HPRT1: variants seen among roughly 807,000 people sequenced by gnomAD.
HPRT1 encodes hypoxanthine-guanine phosphoribosyltransferase.
A neutral mutation model predicts 19.0 loss-of-function variants in HPRT1; 4 were observed. The observed-to-expected ratio is 0.21, with a 90% CI of 0.10 to 0.48. The LOEUF is 0.48. HPRT1 is among the 20% of genes least tolerant of loss of function. HPRT1 has a pLI of 0.98. For missense variants in HPRT1, 65 were observed against 164.0 expected, an observed-to-expected ratio of 0.40 and a Z score of 3.30; for synonymous variants, 53 against 54.9, an observed-to-expected ratio of 0.97 and a Z score of 0.15.
chrX:134,499,505 G>T (rs890277330), intron 8 of HPRT1, among the ~76,000 whole-genome samples: 1 of 102,766 alleles, frequency 9.7e-6, no homozygotes, highest in Non-Finnish European at 2.0e-5. Flanking sequence ...AAAAAACTAC[G>T]TATTAAGACA....
chrX:134,477,071 T>A (rs781476308), intron 3 of HPRT1, among the ~76,000 whole-genome samples: 34 of 103,705 alleles, frequency 3.3e-4, no homozygotes, highest in Non-Finnish European at 5.3e-4. Context: ...TTATTTATTT[T>A]TTTTTTTGAG....
At chrX:134,478,285 A>G (rs757511166) in intron 3 of HPRT1, among the ~76,000 whole-genome samples, 1 of 111,815 alleles carries the variant, frequency 8.9e-6, no homozygotes, top group Non-Finnish European at 1.9e-5. Flanking sequence ...TTTTTTGGAA[A>G]TAAAAACTCC....
chrX:134,480,858 A>G (rs2077637628), intron 3 of HPRT1, among the ~76,000 whole-genome samples: 1 of 104,438 alleles, frequency 9.6e-6, no homozygotes, highest in Admixed American at 1.0e-4. Flanking sequence ...GAGAATAGCT[A>G]TAACTTTAGT....
Position 134,473,352 on chromosome X carries a change from T to A in HPRT1, c.28-7T>A. 1 of 1,041,078 alleles carries A rather than the reference T, an allele frequency of 9.6e-7. No homozygotes were observed. Among genetic ancestry groups the A allele is most frequent in the Non-Finnish European group, 1.4e-6 (1 of 739,886 alleles). 85.8% of individuals were successfully genotyped at this position (1,041,078 alleles called of 1,213,427 possible). On this transcript the variant is annotated splice_region_variant and splice_polypyrimidine_tract_variant and intron_variant, in intron 1 of 8. Coordinates refer to ENST00000298556, the MANE Select transcript of HPRT1 (RefSeq NM_000194.3). ...CTCTCATTGAAACAGCTATATTTCT[T>A]TTTCAGATTAGTGATGATGAACCAG... is the stretch of plus-strand genomic sequence containing the variant.
At chrX:134,486,923 T>TC (rs896366564) in intron 4 of HPRT1, among the ~76,000 whole-genome samples, 1 of 110,170 alleles carries the variant, frequency 9.1e-6, no homozygotes, top group African/African-American at 3.3e-5. Context: ...AAGTGTGAGT[T>TC]CCGGAGCCTG....
At chrX:134,465,625 T>A (rs982746131) in intron 1 of HPRT1, among the ~76,000 whole-genome samples, 1 of 112,683 alleles carries the variant, frequency 8.9e-6, no homozygotes, top group East Asian at 2.8e-4. Context: ...AAAGTACCTG[T>A]AGCGATTTTT....
At chrX:134,464,771 G>A (rs1189219708) in intron 1 of HPRT1, among the ~76,000 whole-genome samples, 3 of 108,474 alleles carry the variant, frequency 2.8e-5, no homozygotes, top group African/African-American at 1.0e-4. Flanking sequence ...ATTTCACCGT[G>A]TTGGCCAGGA....
chrX:134,466,520 T>G (rs186128105), intron 1 of HPRT1, among the ~76,000 whole-genome samples: 1 of 110,753 alleles, frequency 9.0e-6, no homozygotes, highest in African/African-American at 3.3e-5. Flanking sequence ...GGCCTGAGAT[T>G]GAAACCTACC....
chrX:134,478,714 C>T (rs959204525), intron 3 of HPRT1, among the ~76,000 whole-genome samples: 1 of 112,012 alleles, frequency 8.9e-6, no homozygotes, highest in Non-Finnish European at 1.9e-5. Flanking sequence ...TTAGAATATT[C>T]TAAAGAATTC....
intron 3 of HPRT1, among the ~76,000 whole-genome samples, chrX:134,485,941 T>C (rs2077651641): frequency 8.9e-6 from 1 of 112,265 alleles, no homozygotes; most frequent in African/African-American, 3.2e-5. Flanking sequence ...GGACTACTAA[T>C]CAGACCTGGT....
intron 3 of HPRT1, among the ~76,000 whole-genome samples, chrX:134,479,271 G>A (rs944913246): frequency 8.9e-6 from 1 of 111,902 alleles, no homozygotes; most frequent in Non-Finnish European, 1.9e-5. Context: ...CAATTTTATA[G>A]TGATTTTTTT....
chrX:134,477,059 A>ATTTTAT (rs1484409893), intron 3 of HPRT1, among the ~76,000 whole-genome samples: 1 of 82,514 alleles, frequency 1.2e-5, no homozygotes, highest in Non-Finnish European at 2.3e-5. Context: ...ATTTTATTTT[A>ATTTTAT]TTTATTTATT....
At chrX:134,463,705 A>G (rs1465163552) in intron 1 of HPRT1, among the ~76,000 whole-genome samples, 1 of 112,042 alleles carries the variant, frequency 8.9e-6, no homozygotes, top group Non-Finnish European at 1.9e-5. Context: ...GCAGTTCATT[A>G]GATAGTAACT....
chrX:134,463,630 A>T (rs1371510966), intron 1 of HPRT1, among the ~76,000 whole-genome samples: 1 of 111,824 alleles, frequency 8.9e-6, no homozygotes, highest in Non-Finnish European at 1.9e-5. Flanking sequence ...GTATTGCAAA[A>T]GGTAGGAAAA....
intron 1 of HPRT1, among the ~76,000 whole-genome samples, chrX:134,471,925 C>T (rs983065176): frequency 9.0e-6 from 1 of 110,934 alleles, no homozygotes; most frequent in Admixed American, 9.6e-5. Context: ...AGGCATGAGC[C>T]GCTGCATCAG....
chrX:134,481,358 C>T (rs1165898709), intron 3 of HPRT1, among the ~76,000 whole-genome samples: 1 of 111,559 alleles, frequency 9.0e-6, no homozygotes, highest in Non-Finnish European at 1.9e-5. Context: ...TAGTCGATTT[C>T]TTTGAGGTAT....
intron 3 of HPRT1, among the ~76,000 whole-genome samples, chrX:134,485,236 T>C (rs2077649823): frequency 8.9e-6 from 1 of 112,170 alleles, no homozygotes; most frequent in Non-Finnish European, 1.9e-5. Context: ...CTCAGATAGA[T>C]ATAATTTTAC....
intron 8 of HPRT1, among the ~76,000 whole-genome samples, chrX:134,499,676 C>T (rs1204363347): frequency 9.5e-6 from 1 of 105,279 alleles, no homozygotes; most frequent in Non-Finnish European, 1.9e-5. Flanking sequence ...TGGTGGCGGG[C>T]GCCTATAGTC....
intron 8 of HPRT1, 93 bp downstream of exon 8, chrX:134,498,777 T>A: frequency 1.7e-6 from 1 of 603,011 alleles, no homozygotes; most frequent in Non-Finnish European, 2.8e-6. Context: ...ACCTCATAAT[T>A]TGAACAGACT....
Sources: allele counts gnomAD v4.1 joint callset (sites outside exome capture counted in the v4.1 genomes callset), GRCh38; gene constraint gnomAD v4.1.1; transcripts MANE v1.5; gene names NCBI Gene and HGNC (gene_info 2026-07-23, HGNC 2026-07-21).